APP: variants seen among roughly 807,000 people sequenced by gnomAD.
APP encodes the protein amyloid-beta precursor protein.
In APP, 31 loss-of-function variants were observed where a neutral mutation model predicts 101.4. That is an observed-to-expected ratio of 0.31 (90% CI 0.23 to 0.41). The LOEUF (loss-of-function observed/expected upper bound fraction) is 0.41, where lower values mean the gene tolerates loss of function less well. Among genes scored for constraint, APP ranks in the 10% least tolerant of loss-of-function variants. APP has a pLI of 1.00. For missense variants in APP, 839 were observed against 1,003.7 expected (o/e 0.84, Z 2.22); for synonymous variants, 366 against 364.4 (o/e 1.00, Z -0.05).
intron 5 of APP, among the ~76,000 whole-genome samples, chr21:26,027,958 G>A (rs372830594): frequency 5.3e-5 from 8 of 152,108 alleles, no homozygotes; most frequent in Admixed American, 3.9e-4. Context: ...ACGTTGCGGG[G>A]CCGAGGCAGG....
chr21:26,065,572 TC>T (rs1244533397), intron 3 of APP, among the ~76,000 whole-genome samples: 7 of 152,260 alleles, frequency 4.6e-5, no homozygotes, highest in Admixed American at 1.3e-4. Flanking sequence ...GAGAATTCAT[TC>T]CCCTTTACAA....
At chr21:26,109,341 C>T (rs1328871883) in intron 2 of APP, among the ~76,000 whole-genome samples, 1 of 152,168 alleles carries the variant, frequency 6.6e-6, no homozygotes, top group Non-Finnish European at 1.5e-5. Flanking sequence ...AAGCACCATC[C>T]CTCGAGTGCT....
At chr21:25,887,420 A>G (rs1177049962) in intron 17 of APP, among the ~76,000 whole-genome samples, 6 of 151,188 alleles carry the variant, frequency 4.0e-5, no homozygotes, top group African/African-American at 1.5e-4. Context: ...AATAAGGCAC[A>G]GTTACCTCCT....
At chr21:26,163,383 C>A (rs1370272799) in intron 1 of APP, among the ~76,000 whole-genome samples, 1 of 151,578 alleles carries the variant, frequency 6.6e-6, no homozygotes, top group Non-Finnish European at 1.5e-5. Context: ...GAGATTCAAA[C>A]ACTGTTTGGG....
At chr21:26,098,998 T>C (rs1370210176) in intron 2 of APP, among the ~76,000 whole-genome samples, 1 of 152,212 alleles carries the variant, frequency 6.6e-6, no homozygotes, top group Non-Finnish European at 1.5e-5. Flanking sequence ...TGACTAGATT[T>C]GATCATTACT....
At chr21:25,902,186 C>CT (rs1569031190) in intron 15 of APP, among the ~76,000 whole-genome samples, 1 of 152,018 alleles carries the variant, frequency 6.6e-6, no homozygotes, top group Non-Finnish European at 1.5e-5. Flanking sequence ...AAACAAAAAC[C>CT]TTTTTTTAAC....
chr21:25,946,807 G>A (rs929427110), intron 13 of APP, among the ~76,000 whole-genome samples: 6 of 151,980 alleles, frequency 3.9e-5, no homozygotes, highest in Admixed American at 1.3e-4. Context: ...CATTGCAATC[G>A]CATGAAGAAA....
intron 13 of APP, among the ~76,000 whole-genome samples, chr21:25,950,875 G>A (rs2041045297): frequency 6.6e-6 from 1 of 152,138 alleles, no homozygotes; most frequent in Non-Finnish European, 1.5e-5. Flanking sequence ...AATGGGTGAG[G>A]GAGAGGAAGG....
chr21:25,890,752 A>C (rs1253503557), intron 17 of APP, among the ~76,000 whole-genome samples: 1 of 143,830 alleles, frequency 7.0e-6, no homozygotes, highest in Non-Finnish European at 1.5e-5. Context: ...AATGGGGAAT[A>C]TGAGGGGAAA....
At chr21:25,935,896 C>T (rs1226681445) in intron 13 of APP, among the ~76,000 whole-genome samples, 3 of 147,824 alleles carry the variant, frequency 2.0e-5, no homozygotes, top group Non-Finnish European at 4.5e-5. Flanking sequence ...GTATGCACTT[C>T]ACATACCAAG....
chr21:26,033,214 C>T (rs115772071), intron 5 of APP, among the ~76,000 whole-genome samples: 2,915 of 152,262 alleles, frequency 0.019, 83 homozygotes, highest in African/African-American at 0.067. Context: ...CCTGGTGGGA[C>T]GGAATTGGAT....
chr21:25,977,196 AAAAAGT>A (rs1271041367), intron 9 of APP, among the ~76,000 whole-genome samples: 1 of 152,242 alleles, frequency 6.6e-6, no homozygotes, highest in Non-Finnish European at 1.5e-5. Context: ...AACCTGATAC[AAAAAGT>A]AAAAGTCTGC....
intron 13 of APP, among the ~76,000 whole-genome samples, chr21:25,945,354 G>A: frequency 7.7e-6 from 1 of 130,250 alleles, no homozygotes; most frequent in Admixed American, 8.7e-5. Flanking sequence ...TCCCCAAAAT[G>A]ATCTACAGAT....
At chr21:26,094,102 G>A (rs1255512732) in intron 2 of APP, among the ~76,000 whole-genome samples, 5 of 146,760 alleles carry the variant, frequency 3.4e-5, no homozygotes, top group South Asian at 2.2e-4. Flanking sequence ...GTGACAGAGC[G>A]AGACTCGGTC....
chr21:26,031,556 G>A (rs1266972819), intron 5 of APP, among the ~76,000 whole-genome samples: 4 of 151,962 alleles, frequency 2.6e-5, no homozygotes, highest in East Asian at 3.9e-4. Flanking sequence ...ACATGGTGGC[G>A]GCAAGAGAAA....
At chr21:25,953,990 G>T (rs1018242052) in intron 13 of APP, among the ~76,000 whole-genome samples, 1 of 152,104 alleles carries the variant, frequency 6.6e-6, no homozygotes, top group Non-Finnish European at 1.5e-5. Context: ...AAGTTTAATA[G>T]CCCACTATCT....
At chr21:25,975,374 T>A in intron 10 of APP, 146 bp from the exon 11 acceptor site, 1 of 1,068,816 alleles carries the variant, frequency 9.4e-7, no homozygotes, top group East Asian at 2.5e-5. Context: ...CAACATTGAC[T>A]AATTCTACGT....
intron 3 of APP, among the ~76,000 whole-genome samples, chr21:26,058,405 T>C (rs1042806974): frequency 7.2e-5 from 11 of 152,092 alleles, no homozygotes; most frequent in African/African-American, 2.2e-4. Flanking sequence ...ACAAAAAAAA[T>C]CTGGAATTCT....
At chr21:26,080,523 CT>C (rs1192505507) in intron 3 of APP, among the ~76,000 whole-genome samples, 1 of 151,586 alleles carries the variant, frequency 6.6e-6, no homozygotes, top group Non-Finnish European at 1.5e-5. Context: ...AATCTCAGTA[CT>C]TTGGGAGGCT....
Sources: allele counts gnomAD v4.1 joint callset (sites outside exome capture counted in the v4.1 genomes callset), GRCh38; gene constraint gnomAD v4.1.1; transcripts MANE v1.5; gene names NCBI Gene and HGNC (gene_info 2026-07-23, HGNC 2026-07-21).